ANKRD11: variants seen among roughly 807,000 people sequenced by gnomAD.
ANKRD11 encodes ankyrin repeat domain-containing protein 11.
ANKRD11 carries 17 observed loss-of-function variants against 195.7 expected under a neutral mutation model. The observed-to-expected ratio is 0.09, with a 90% CI of 0.06 to 0.13. The LOEUF is 0.13. ANKRD11 is among the 10% of genes least tolerant of loss of function. The probability of loss-of-function intolerance (pLI) is 1.00; values close to 1 mark genes in which losing one functional copy is unlikely to be tolerated. For missense variants in ANKRD11, 3,735 were observed against 3,566.1 expected (o/e 1.05, Z -1.21); for synonymous variants, 1,953 against 1,528.1 (o/e 1.28, Z -6.49).
intron 2 of ANKRD11, among the ~76,000 whole-genome samples, chr16:89,403,447 T>A (rs1567756312): frequency 6.6e-6 from 1 of 152,040 alleles, no homozygotes; most frequent in Non-Finnish European, 1.5e-5. Flanking sequence ...CGAGGAAGTT[T>A]CTCAGTAAGC....
chr16:89,304,542 A>C (rs1049260194), intron 4 of ANKRD11, among the ~76,000 whole-genome samples: 2 of 151,304 alleles, frequency 1.3e-5, no homozygotes, highest in African/African-American at 4.9e-5. Flanking sequence ...ATGGGTACAC[A>C]CAAGCACATA....
At chr16:89,313,665 A>G in intron 3 of ANKRD11, 1 of 1,215,764 alleles carries the variant, frequency 8.2e-7, no homozygotes, top group Non-Finnish European at 1.1e-6. Flanking sequence ...ACTGAGCAGA[A>G]ACCATTTCAG....
intron 7 of ANKRD11, chr16:89,286,406 CG>C: frequency 2.9e-6 from 2 of 680,044 alleles, no homozygotes; most frequent in Non-Finnish European, 4.9e-6. Flanking sequence ...GCTGCAGCCG[CG>C]GGGGCTCCCG....
intron 2 of ANKRD11, among the ~76,000 whole-genome samples, chr16:89,364,833 A>T (rs555793422): frequency 1.3e-5 from 2 of 152,354 alleles, no homozygotes; most frequent in South Asian, 4.1e-4. Flanking sequence ...GCTCAGCACC[A>T]CGGCCAACCT....
At position 89,325,465 on chromosome 16, in the gene ANKRD11, T is replaced by TCACA. The variant is rs1279935682; in HGVS notation, c.-59-8388_-59-8387insTGTG. Reference sequence around the variant, plus strand: ...CTCCCCTCTCCTCTCTCTCTCTCTCTCTCTCACACACACACACACACACAC... The same window carrying TCACA: ...CTCCCCTCTCCTCTCTCTCTCTCTCTCACACTCTCACACACACACACACACACAC... On this transcript the variant is annotated intron_variant, in intron 2 of 12. Transcript: ENST00000301030. Among the ~76,000 whole-genome samples, 1,315 of 139,398 alleles carry TCACA rather than the reference T, an allele frequency of 9.4e-3. 26 individuals carry two copies. The highest frequency in any genetic ancestry group is 0.037 in the African/African-American group (1,240 of 33,914). The allele number at this position is 139,398 out of a possible 152,430, so 91.5% of individuals were successfully genotyped here.
intron 2 of ANKRD11, among the ~76,000 whole-genome samples, chr16:89,331,982 A>G (rs2038091319): frequency 6.6e-6 from 1 of 152,136 alleles, no homozygotes; most frequent in African/African-American, 2.4e-5. Context: ...CACACAAAAC[A>G]TTCAAAAAAA....
At chr16:89,411,016 G>T (rs1287230035) in intron 2 of ANKRD11, among the ~76,000 whole-genome samples, 1 of 152,202 alleles carries the variant, frequency 6.6e-6, no homozygotes, top group Non-Finnish European at 1.5e-5. Context: ...CAGAGAGAAG[G>T]GTGGCCAGGG....
At chr16:89,390,359 G>C (rs1468996978) in intron 2 of ANKRD11, among the ~76,000 whole-genome samples, 3 of 152,092 alleles carry the variant, frequency 2.0e-5, no homozygotes, top group Admixed American at 6.5e-5. Context: ...CACCGAGTGT[G>C]GCGGGGAGCA....
chr16:89,278,876 G>A, intron 9 of ANKRD11, 196 bp downstream of exon 9: 3 of 911,130 alleles, frequency 3.3e-6, no homozygotes, highest in Non-Finnish European at 5.2e-6. Flanking sequence ...AAGGACCTCG[G>A]GTCTGCAGAA....
At chr16:89,275,513 G>T (rs1401732633) in intron 9 of ANKRD11, among the ~76,000 whole-genome samples, 1 of 152,248 alleles carries the variant, frequency 6.6e-6, no homozygotes, top group African/African-American at 2.4e-5. Flanking sequence ...ACCCAACTGT[G>T]CAGAGGAGAT....
chr16:89,290,315 T>G (rs1477845455), intron 6 of ANKRD11, among the ~76,000 whole-genome samples: 4 of 67,982 alleles, frequency 5.9e-5, no homozygotes, highest in South Asian at 6.2e-4. Flanking sequence ...AGGGCTCCAA[T>G]GGGGGGAGGC....
chr16:89,393,287 C>T (rs1400582095), intron 2 of ANKRD11, among the ~76,000 whole-genome samples: 2 of 151,800 alleles, frequency 1.3e-5, no homozygotes, highest in African/African-American at 2.4e-5. Flanking sequence ...ACTTTAGTTT[C>T]CTCTTTTTTT....
rs140295232 is a variant in ANKRD11, at chr16:89,335,995, C to G, written c.-59-18917G>C. Among the ~76,000 whole-genome samples the G allele has an allele frequency of 2.6e-3, 394 of 152,338 alleles. 2 individuals are homozygous for G. The highest frequency in any genetic ancestry group is 3.7e-3 in the Non-Finnish European group (253 of 68,030). ...TGCCCTGTGACTCTCTCAGATGGGT[C>G]TTTTATTAGAGTTTCTAAATAAAGA... On this transcript the variant is annotated intron_variant, in intron 2 of 12. Coordinates refer to ENST00000301030, the MANE Select transcript of ANKRD11 (RefSeq NM_013275.6).
In ANKRD11 at chr16:89,270,806, G is replaced by C. The variant is rs777198327; in HGVS notation, c.7806+11C>G. ...CCCCCAGGCAGAACTGAGGGGACGC[G>C]CAACACCGACCTTCATGCGGTCATA... On this transcript the variant is annotated intron_variant, in intron 12 of 12. Transcript: ENST00000301030. The C allele has an allele frequency of 4.3e-6, 7 of 1,612,398 alleles. No individual in the cohort carries two copies. Among genetic ancestry groups the C allele is most frequent in the African/African-American group, 1.3e-5 (1 of 74,846 alleles).
intron 2 of ANKRD11, chr16:89,324,544 G>C: frequency 2.2e-6 from 1 of 456,062 alleles, no homozygotes; most frequent in South Asian, 1.5e-5. Flanking sequence ...TGAGTCAGTG[G>C]ACGGGGAGAG....
In ANKRD11 at chr16:89,290,243, AGCG is replaced by A. The variant is rs1567591021; in HGVS notation, c.601+379_601+381del. On this transcript the variant is annotated intron_variant, in intron 6 of 12. Transcript: ENST00000301030. ...TCCAATGGGGGAGGCTCAGGGCTCC[AGCG>A]GGGGGTAGGCTCAGGGCTCCAATGG... is the stretch of plus-strand genomic sequence containing the variant. Among the ~76,000 whole-genome samples the A allele has an allele frequency of 6.3e-3, 129 of 20,486 alleles. 10 individuals carry two copies. The highest frequency in any genetic ancestry group is 0.017 in the Non-Finnish European group (96 of 5,798). 13.4% of individuals were successfully genotyped at this position (20,486 alleles called of 152,430 possible).
intron 2 of ANKRD11, among the ~76,000 whole-genome samples, chr16:89,359,652 C>T (rs1428824261): frequency 6.6e-6 from 1 of 152,300 alleles, no homozygotes; most frequent in East Asian, 1.9e-4. Flanking sequence ...CGAAGGTAGC[C>T]GGCTGTTCAC....
intron 7 of ANKRD11, 46 bp from the exon 8 acceptor site, chr16:89,286,232 A>G (rs376366150): frequency 6.2e-7 from 1 of 1,605,112 alleles, no homozygotes; most frequent in Non-Finnish European, 8.5e-7. Flanking sequence ...GAGAAGCACA[A>G]CTCCTCTACC....
Position 89,282,157 on chromosome 16 carries a change from CTCT to C in ANKRD11, c.4382_4384del (p.Lys1461del), listed in dbSNP as rs753054998. ...TCTCCATTTCTCCCTGTGTTTCTCT[CTCT>C]TCTTCTTCTCTTTTAGGATGTTGAT... is the stretch of plus-strand genomic sequence containing the variant. On this transcript the variant is annotated inframe_deletion, in exon 9 of 13. Transcript: ENST00000301030. 3.8e-5 allele frequency: 62 copies of C among 1,613,994 alleles called. No individual in the cohort carries two copies. The highest frequency in any genetic ancestry group is 1.6e-4 in the Middle Eastern group (1 of 6,062).
Sources: gnomAD v4.1 joint callset for allele counts (sites outside exome capture counted in the v4.1 genomes callset) on GRCh38, gnomAD v4.1.1 for gene constraint, MANE v1.5 for transcripts, NCBI Gene and HGNC (gene_info 2026-07-23, HGNC 2026-07-21) for gene names.